The following PCDH15 variants were observed in gnomAD, a reference collection of about 807,000 sequenced individuals.
PCDH15 encodes the protein protocadherin-15.
In PCDH15, 129 loss-of-function variants were observed where a neutral mutation model predicts 178.5. The observed-to-expected ratio is 0.72, with a 90% confidence interval of 0.63 to 0.84. PCDH15 has a LOEUF of 0.84. Among genes scored for constraint, PCDH15 ranks in the 40% least tolerant of loss-of-function variants. PCDH15 has a pLI of 0.00. For synonymous variants in PCDH15, 800 were observed against 732.0 expected, an observed-to-expected ratio of 1.09 and a Z score of -1.50; for missense variants, 2,230 against 2,099.9, an observed-to-expected ratio of 1.06 and a Z score of -1.21.
At chr10:53,871,740 G>T (rs113223948) in intron 26 of PCDH15, among the ~76,000 whole-genome samples, 9,661 of 151,214 alleles carry the variant, frequency 0.064, 983 homozygotes, top group African/African-American at 0.21. Context: ...GTTTTGTTTT[G>T]TTTTGTTTTG....
At chr10:54,720,777 A>T (rs1662597576) in intron 1 of PCDH15, among the ~76,000 whole-genome samples, 1 of 152,078 alleles carries the variant, frequency 6.6e-6, no homozygotes, top group Admixed American at 6.6e-5. Flanking sequence ...AGAGATAGAC[A>T]GTTATACAAT....
intron 22 of PCDH15, among the ~76,000 whole-genome samples, chr10:53,961,443 T>C (rs2088303778): frequency 6.6e-6 from 1 of 152,030 alleles, no homozygotes; most frequent in Non-Finnish European, 1.5e-5. Context: ...AACATCATAT[T>C]GAATTTAAAA....
At chr10:55,131,413 G>A (rs989041034) in intron 2 of PCDH15, among the ~76,000 whole-genome samples, 3 of 152,272 alleles carry the variant, frequency 2.0e-5, no homozygotes, top group African/African-American at 7.2e-5. Context: ...TGGGTTCCCT[G>A]AAGGGCCACA....
At chr10:53,840,276 C>T in intron 29 of PCDH15, 44 bp downstream of exon 29, 1 of 1,575,634 alleles carries the variant, frequency 6.3e-7, no homozygotes, top group Non-Finnish European at 8.7e-7. Context: ...TCTATGGTTG[C>T]TATTGTAACC....
intron 16 of PCDH15, among the ~76,000 whole-genome samples, chr10:54,087,279 A>G (rs893989791): frequency 5.3e-5 from 8 of 152,120 alleles, no homozygotes; most frequent in Non-Finnish European, 7.4e-5. Context: ...TTTCAACACC[A>G]TATCTATTAA....
intron 2 of PCDH15, among the ~76,000 whole-genome samples, chr10:54,934,575 A>C (rs991555661): frequency 6.6e-6 from 1 of 151,748 alleles, no homozygotes; most frequent in Admixed American, 6.6e-5. Flanking sequence ...AAAGTCAGGA[A>C]ACAACAGGTG....
intron 18 of PCDH15, among the ~76,000 whole-genome samples, chr10:54,024,910 A>G (rs542078057): frequency 1.6e-4 from 24 of 152,254 alleles, no homozygotes; most frequent in Non-Finnish European, 2.8e-4. Context: ...AATAGATAAA[A>G]TTGTAAGCCA....
chr10:54,314,623 T>C (rs1172241358), intron 8 of PCDH15, among the ~76,000 whole-genome samples: 1 of 152,114 alleles, frequency 6.6e-6, no homozygotes, highest in Admixed American at 6.6e-5. Context: ...GTATAGATTA[T>C]TGCGTCACCC....
chr10:53,926,094 A>C (rs191000753), intron 25 of PCDH15, among the ~76,000 whole-genome samples: 1 of 152,186 alleles, frequency 6.6e-6, no homozygotes, highest in African/African-American at 2.4e-5. Context: ...ATAACCAGTC[A>C]TCAAGTCCTA....
chr10:54,241,381 CA>C (rs1199453052), intron 8 of PCDH15, among the ~76,000 whole-genome samples: 1 of 152,162 alleles, frequency 6.6e-6, no homozygotes, highest in Non-Finnish European at 1.5e-5. Context: ...TGGAAAGTAT[CA>C]AAATGTTCCT....
chr10:55,397,149 A>G (rs889447801), intron 2 of PCDH15, among the ~76,000 whole-genome samples: 1 of 152,206 alleles, frequency 6.6e-6, no homozygotes. Context: ...TAATATTTCT[A>G]GTATAAATTA....
chr10:54,034,468 A>G (rs891620225), intron 18 of PCDH15, among the ~76,000 whole-genome samples: 1 of 151,948 alleles, frequency 6.6e-6, no homozygotes, highest in African/African-American at 2.4e-5. Flanking sequence ...TGATTTAAAA[A>G]TGTATGTTAG....
At chr10:54,676,428 A>G (rs931386073) in intron 1 of PCDH15, among the ~76,000 whole-genome samples, 1 of 152,156 alleles carries the variant, frequency 6.6e-6, no homozygotes, top group African/African-American at 2.4e-5. Flanking sequence ...TAGAAAAGTC[A>G]TTAAAAAGCA....
chr10:55,008,885 A>AAAAAAC (rs772797559), intron 2 of PCDH15, among the ~76,000 whole-genome samples: 2 of 75,324 alleles, frequency 2.7e-5, no homozygotes, highest in Admixed American at 1.6e-4. Flanking sequence ...GATCTTGTTT[A>AAAAAAC]AAAAACAAAA....
chr10:55,398,724 T>C (rs564096075), intron 2 of PCDH15, among the ~76,000 whole-genome samples: 1 of 152,310 alleles, frequency 6.6e-6, no homozygotes, highest in Admixed American at 6.5e-5. Context: ...AATTGTTTAC[T>C]ATTTGTCTCA....
chr10:54,273,320 T>A (rs2058153990), intron 8 of PCDH15, among the ~76,000 whole-genome samples: 2 of 150,624 alleles, frequency 1.3e-5, no homozygotes, highest in African/African-American at 4.9e-5. Context: ...ACAAAATAAG[T>A]GTAAATTATA....
At chr10:54,933,506 G>A (rs1420686960) in intron 2 of PCDH15, among the ~76,000 whole-genome samples, 15 of 151,970 alleles carry the variant, frequency 9.9e-5, no homozygotes, top group Admixed American at 2.0e-4. Context: ...ACATACAATG[G>A]AATAGAAGAG....
intron 2 of PCDH15, among the ~76,000 whole-genome samples, chr10:55,012,951 A>G (rs1840082310): frequency 6.6e-6 from 1 of 152,122 alleles, no homozygotes; most frequent in South Asian, 2.1e-4. Context: ...CATGTGTCAA[A>G]ATTACTTCAA....
intron 1 of PCDH15, among the ~76,000 whole-genome samples, chr10:54,736,230 G>A (rs1249039221): frequency 6.6e-6 from 1 of 151,964 alleles, no homozygotes; most frequent in Admixed American, 6.6e-5. Context: ...CCTTGCTCTT[G>A]ATAAATGCTG....
Sources: allele counts gnomAD v4.1 joint callset (sites outside exome capture counted in the v4.1 genomes callset), GRCh38; gene constraint gnomAD v4.1.1; transcripts MANE v1.5; gene names NCBI Gene and HGNC (gene_info 2026-07-23, HGNC 2026-07-21).